Variants in DNAAF11 observed in about 807,000 individuals in gnomAD.
DNAAF11 encodes leucine rich repeat containing 6.
Under a neutral mutation model 60.8 loss-of-function variants are expected in DNAAF11, and 45 were observed. The ratio of observed to expected loss-of-function variants is 0.74; its 90% CI spans 0.58 to 0.95. The LOEUF (loss-of-function observed/expected upper bound fraction) is 0.95. Ranked by LOEUF, DNAAF11 falls within the 40% of genes least tolerant of loss-of-function variation. DNAAF11 has a pLI of 0.00. For missense variants in DNAAF11, 546 were observed against 546.2 expected, an observed-to-expected ratio of 1.00 and a Z score of 0.00; for synonymous variants, 191 against 183.5, an observed-to-expected ratio of 1.04 and a Z score of -0.33.
chr8:132,672,938 T>C (rs1825327257), intron 1 of DNAAF11, among the ~76,000 whole-genome samples: 1 of 152,152 alleles, frequency 6.6e-6, no homozygotes, highest in Non-Finnish European at 1.5e-5. Context: ...ACGGTCTCTC[T>C]AAAACCTGTA....
At chr8:132,660,433 T>C (rs1488212886) in intron 2 of DNAAF11, among the ~76,000 whole-genome samples, 1 of 152,186 alleles carries the variant, frequency 6.6e-6, no homozygotes, top group Non-Finnish European at 1.5e-5. Flanking sequence ...GTAACTGACT[T>C]GTCAAATTTC....
intron 10 of DNAAF11, among the ~76,000 whole-genome samples, chr8:132,606,902 T>G (rs1237174958): frequency 6.6e-6 from 1 of 152,212 alleles, no homozygotes; most frequent in Non-Finnish European, 1.5e-5. Context: ...TTAAGCTAAG[T>G]GTTATAAGAG....
chr8:132,585,538 G>A (rs576287563), intron 10 of DNAAF11, among the ~76,000 whole-genome samples: 18 of 152,130 alleles, frequency 1.2e-4, no homozygotes, highest in African/African-American at 4.3e-4. Context: ...TGAAGCTCCA[G>A]AAGAAAAAAA....
the DNAAF11 span, among the ~76,000 whole-genome samples, chr8:132,700,523 C>CAG: frequency 1.5e-5 from 2 of 135,398 alleles, no homozygotes; most frequent in Non-Finnish European, 3.3e-5. Flanking sequence ...CCCACCTCTA[C>CAG]AAAAAAAAAA....
chr8:132,686,079 T>C, the DNAAF11 span, among the ~76,000 whole-genome samples: 1 of 152,136 alleles, frequency 6.6e-6, no homozygotes, highest in Non-Finnish European at 1.5e-5. Flanking sequence ...TGATATGGGC[T>C]ATGAAAGAAA....
chr8:132,601,396 C>T (rs1441910187), intron 10 of DNAAF11, among the ~76,000 whole-genome samples: 1 of 152,106 alleles, frequency 6.6e-6, no homozygotes, highest in African/African-American at 2.4e-5. Flanking sequence ...CTAGAAATAC[C>T]ATTTGACCCA....
At chr8:132,701,361 TC>T in the DNAAF11 span, among the ~76,000 whole-genome samples, 3 of 152,188 alleles carry the variant, frequency 2.0e-5, no homozygotes, top group Non-Finnish European at 2.9e-5. Flanking sequence ...GAGGAAATGA[TC>T]TTTTCCCTCC....
At chr8:132,647,399 A>G (rs1480487008) in intron 3 of DNAAF11, among the ~76,000 whole-genome samples, 1 of 152,144 alleles carries the variant, frequency 6.6e-6, no homozygotes, top group Non-Finnish European at 1.5e-5. Flanking sequence ...GCACTAAATG[A>G]CCACAAGAGA....
At chr8:132,645,568 C>T (rs1381857368) in intron 3 of DNAAF11, among the ~76,000 whole-genome samples, 1 of 151,976 alleles carries the variant, frequency 6.6e-6, no homozygotes, top group Non-Finnish European at 1.5e-5. Context: ...ATGTTTGAAC[C>T]TATCGCAAAG....
intron 7 of DNAAF11, among the ~76,000 whole-genome samples, chr8:132,616,495 G>T (rs537461941): frequency 3.9e-4 from 60 of 152,184 alleles, no homozygotes; most frequent in African/African-American, 1.3e-3. Context: ...AGAGTTCATA[G>T]GACGCACTGA....
chr8:132,674,613 G>T (rs927407697), intron 1 of DNAAF11, among the ~76,000 whole-genome samples: 1 of 152,212 alleles, frequency 6.6e-6, no homozygotes, highest in Non-Finnish European at 1.5e-5. Flanking sequence ...TTACTACCGG[G>T]CGCAGTGGCT....
At chr8:132,697,396 T>C in the DNAAF11 span, among the ~76,000 whole-genome samples, 1 of 152,168 alleles carries the variant, frequency 6.6e-6, no homozygotes, top group Non-Finnish European at 1.5e-5. Context: ...GGTGGGCAGA[T>C]CACTTGAGGT....
intron 3 of DNAAF11, among the ~76,000 whole-genome samples, chr8:132,642,713 G>A (rs901648876): frequency 1.9e-4 from 29 of 152,220 alleles, no homozygotes; most frequent in African/African-American, 7.0e-4. Context: ...AACCATCTTG[G>A]AGGTGGATCC....
At chr8:132,579,404 T>C (rs2357509) in intron 11 of DNAAF11, among the ~76,000 whole-genome samples, 26,385 of 152,038 alleles carry the variant, frequency 0.17, 3,776 homozygotes, top group African/African-American at 0.4. Context: ...GGCATCTCTT[T>C]TGCACATGCC....
intron 11 of DNAAF11, among the ~76,000 whole-genome samples, chr8:132,575,294 A>G (rs905751679): frequency 6.6e-6 from 1 of 152,214 alleles, no homozygotes; most frequent in Non-Finnish European, 1.5e-5. Flanking sequence ...TCATCCATGT[A>G]AAGGACGTAG....
chr8:132,627,202 C>G (rs1820364813), intron 5 of DNAAF11, among the ~76,000 whole-genome samples: 1 of 152,116 alleles, frequency 6.6e-6, no homozygotes, highest in Non-Finnish European at 1.5e-5. Flanking sequence ...TGGTTCCATT[C>G]TCATTTAACC....
intron 3 of DNAAF11, among the ~76,000 whole-genome samples, chr8:132,641,272 C>A (rs1164998173): frequency 6.6e-6 from 1 of 152,096 alleles, no homozygotes; most frequent in Admixed American, 6.6e-5. Flanking sequence ...TAGACATTGT[C>A]TTTTCTTTGG....
rs76953790 is a variant in DNAAF11 at position 132,589,057 on chromosome 8, G to A, written c.1141-5278C>T. Among the ~76,000 whole-genome samples the A allele has an allele frequency of 7.0e-4, 106 of 152,220 alleles. 1 individual carries two copies. In the East Asian group the frequency reaches 0.02, roughly 29 times the overall value. Reference sequence around the variant, plus strand: ...TTACATTTCAACATGAGATTTGGGTGGGGAAACAAATCCCAATCAATCCTG... The same window carrying A: ...TTACATTTCAACATGAGATTTGGGTAGGGAAACAAATCCCAATCAATCCTG... On this transcript the variant is annotated intron_variant, in intron 10 of 11. Transcript: ENST00000620350.
At chr8:132,641,086 T>G (rs75536136) in intron 3 of DNAAF11, among the ~76,000 whole-genome samples, 2,895 of 152,164 alleles carry the variant, frequency 0.019, 104 homozygotes, top group African/African-American at 0.066. Flanking sequence ...TAAAGTAGAA[T>G]GTCATCTAAT....
Sources: gnomAD v4.1 joint callset for allele counts (sites outside exome capture counted in the v4.1 genomes callset) on GRCh38, gnomAD v4.1.1 for gene constraint, MANE v1.5 for transcripts, NCBI Gene and HGNC (gene_info 2026-07-23, HGNC 2026-07-21) for gene names.